BAG4: variants seen among roughly 807,000 people sequenced by gnomAD.
The protein encoded by BAG4 is BAG family molecular chaperone regulator 4.
In BAG4, 28 loss-of-function variants were observed where a neutral mutation model predicts 52.1. That is an observed-to-expected ratio of 0.54 (90% CI 0.40 to 0.74). The LOEUF (loss-of-function observed/expected upper bound fraction) is 0.74. BAG4 is among the 30% of genes least tolerant of loss of function. The pLI, the probability that BAG4 is intolerant of heterozygous loss-of-function variation, is 0.00. For missense variants in BAG4, 525 were observed against 572.0 expected, an observed-to-expected ratio of 0.92 and a Z score of 0.84; for synonymous variants, 208 against 217.0, an observed-to-expected ratio of 0.96 and a Z score of 0.37.
chr8:38,189,317 G>A (rs1375653615), intron 1 of BAG4, among the ~76,000 whole-genome samples: 2 of 152,118 alleles, frequency 1.3e-5, no homozygotes, highest in Admixed American at 6.6e-5. Flanking sequence ...CCAGTTTTAT[G>A]AGTAACAACT....
intron 1 of BAG4, among the ~76,000 whole-genome samples, chr8:38,186,258 C>T (rs948725907): frequency 2.0e-4 from 30 of 152,244 alleles, no homozygotes; most frequent in African/African-American, 5.1e-4. Context: ...CCTTGCTTTT[C>T]AAGCCGAGAA....
rs1803363356 is a variant in BAG4, at chr8:38,186,138, GT to G, written c.271-6549del. On this transcript the variant is annotated intron_variant, in intron 1 of 4. Transcript: ENST00000287322. ...CACTGAGGCAAAATTCTAGGTAATT[GT>G]GGCTGAGTGGTGGTGGTTCCTTTCT... is the stretch of plus-strand genomic sequence containing the variant. Among the ~76,000 whole-genome samples, 5 of 152,228 alleles carry G rather than the reference GT, an allele frequency of 3.3e-5. No individual in the cohort carries two copies. In the South Asian group the frequency reaches 1.0e-3, roughly 32 times the overall value.
At chr8:38,182,716 ATAGAAT>A (rs1215062793) in intron 1 of BAG4, among the ~76,000 whole-genome samples, 1 of 152,160 alleles carries the variant, frequency 6.6e-6, no homozygotes, top group African/African-American at 2.4e-5. Flanking sequence ...ATGCTATTTC[ATAGAAT>A]TAGTGTCATG....
rs1392256679 is a variant in BAG4 at position 38,211,563 on chromosome 8, A to T, written c.*1070A>T. On this transcript the variant is annotated 3_prime_UTR_variant, in exon 5 of 5. Transcript: ENST00000287322. ...AAATACTAGTTTCACCTGTGAGCAG[A>T]TTTCAGCTCAGTTTATAGTTAAAAA... The T allele has an allele frequency of 6.6e-6, 1 of 151,966 alleles. No homozygotes were observed. The allele number at this position is 151,966 out of a possible 1,614,324, so 9.4% of individuals were successfully genotyped here.
chr8:38,184,085 G>A (rs557838930), intron 1 of BAG4, among the ~76,000 whole-genome samples: 177 of 152,296 alleles, frequency 1.2e-3, no homozygotes, highest in African/African-American at 3.9e-3. Flanking sequence ...GAACACAGAA[G>A]TAACAGAAAA....
At chr8:38,198,767 G>A (rs924059427) in intron 2 of BAG4, among the ~76,000 whole-genome samples, 9 of 152,070 alleles carry the variant, frequency 5.9e-5, no homozygotes, top group Non-Finnish European at 1.3e-4. Context: ...GATTAAAGGC[G>A]TGAGCCACCA....
At chr8:38,181,052 T>C (rs2130660143) in intron 1 of BAG4, among the ~76,000 whole-genome samples, 1 of 151,760 alleles carries the variant, frequency 6.6e-6, no homozygotes, top group Non-Finnish European at 1.5e-5. Flanking sequence ...GCCCTTCTCC[T>C]GCCTCAGCCT....
At chr8:38,200,694 G>T (rs1803647702) in intron 2 of BAG4, among the ~76,000 whole-genome samples, 1 of 151,972 alleles carries the variant, frequency 6.6e-6, no homozygotes, top group Non-Finnish European at 1.5e-5. Context: ...CACCTCCCGA[G>T]TTCAAGCCAT....
chr8:38,181,592 C>G (rs1585650333), intron 1 of BAG4, among the ~76,000 whole-genome samples: 2 of 151,784 alleles, frequency 1.3e-5, no homozygotes, highest in East Asian at 3.9e-4. Context: ...CAAAAATTAG[C>G]CAGGTGTGGT....
chr8:38,184,638 G>A (rs1219124743), intron 1 of BAG4, among the ~76,000 whole-genome samples: 2 of 152,120 alleles, frequency 1.3e-5, no homozygotes, highest in African/African-American at 4.8e-5. Context: ...ATGGCATTGC[G>A]GTGTTGACAC....
chr8:38,207,632 A>G lies in BAG4; in HGVS notation c.499A>G (p.Thr167Ala). 6.2e-7 allele frequency: 1 copy of G among 1,614,078 alleles called. No individual in the cohort carries two copies. Among genetic ancestry groups the G allele is most frequent in the Non-Finnish European group, 8.5e-7 (1 of 1,180,014 alleles). The change falls in exon 3 of 5, where the codon ACA becomes GCA. Residue 167 changes from threonine (T) to alanine (A), a missense_variant. This residue lies in a region of BAG4 where 287 missense variants were observed against 266.1 expected (regional missense o/e 1.08). Coordinates refer to ENST00000287322, the MANE Select transcript of BAG4 (RefSeq NM_004874.4). ...APGYTQTSYS[T>A]EVPSTYRSSG... ...TGGTTATACTCAGACCAGTTACTCC[A>G]CAGAAGTTCCAAGTACTTACCGTTC...
At chr8:38,189,505 A>G (rs1486968546) in intron 1 of BAG4, among the ~76,000 whole-genome samples, 1 of 152,222 alleles carries the variant, frequency 6.6e-6, no homozygotes, top group Non-Finnish European at 1.5e-5. Context: ...TCCTATACTG[A>G]AACAACAATT....
At chr8:38,187,401 T>G (rs1211695554) in intron 1 of BAG4, among the ~76,000 whole-genome samples, 2 of 152,132 alleles carry the variant, frequency 1.3e-5, no homozygotes. Context: ...ATACAGATTA[T>G]GCAATATGAA....
Position 38,194,848 on chromosome 8 carries a change from T to G in BAG4, c.378+2053T>G, listed in dbSNP as rs11985145. Among the ~76,000 whole-genome samples, 54 of 86,670 alleles carry G rather than the reference T, an allele frequency of 6.2e-4. No homozygotes were observed. In the East Asian group the frequency reaches 0.013, roughly 21 times the overall value. The allele number at this position is 86,670 out of a possible 152,430, so 56.9% of individuals were successfully genotyped here. A position where few individuals can be genotyped will look rare whatever the true frequency, so the allele number is the denominator to read the frequency against. On this transcript the variant is annotated intron_variant, in intron 2 of 4. Transcript: ENST00000287322. ...CATATTACTGGGGTGTTTTTTTTTG[T>G]TTTTTTTTTTTTTTGTTTTTTTTTT...
chr8:38,182,096 G>A (rs565534766), intron 1 of BAG4, among the ~76,000 whole-genome samples: 1 of 152,098 alleles, frequency 6.6e-6, no homozygotes, highest in African/African-American at 2.4e-5. Flanking sequence ...AAATTTATGT[G>A]GTAAATGTTT....
chr8:38,209,543 T>C, intron 4 of BAG4: 1 of 467,740 alleles, frequency 2.1e-6, no homozygotes, highest in Non-Finnish European at 3.8e-6. Context: ...AATGCAAAGA[T>C]GCATTTTACT....
intron 1 of BAG4, among the ~76,000 whole-genome samples, chr8:38,189,801 G>C (rs980784415): frequency 7.4e-6 from 1 of 135,864 alleles, no homozygotes. Flanking sequence ...TGCATAAAAG[G>C]TTAAATTACG....
At chr8:38,178,063 A>G (rs989139497) in intron 1 of BAG4, among the ~76,000 whole-genome samples, 4 of 152,204 alleles carry the variant, frequency 2.6e-5, no homozygotes, top group African/African-American at 9.6e-5. Flanking sequence ...TATATACCCA[A>G]GAAAACTGAT....
intron 1 of BAG4, among the ~76,000 whole-genome samples, chr8:38,188,915 T>C (rs1468628041): frequency 6.6e-6 from 1 of 151,070 alleles, no homozygotes; most frequent in Admixed American, 6.6e-5. Context: ...TGCCTCAACC[T>C]CCCAAGTAGC....
Sources: allele counts gnomAD v4.1 joint callset (sites outside exome capture counted in the v4.1 genomes callset), GRCh38; gene constraint gnomAD v4.1.1; regional missense constraint gnomAD v4.1.1; transcripts MANE v1.5; gene names NCBI Gene and HGNC (gene_info 2026-07-23, HGNC 2026-07-21).